Variants in MACF1 observed in about 807,000 individuals in gnomAD.
MACF1 encodes the protein microtubule actin crosslinking factor 1.
In MACF1, 193 loss-of-function variants were observed where a neutral mutation model predicts 854.8. That is an observed-to-expected ratio of 0.23 (90% CI 0.20 to 0.25). MACF1 has a LOEUF of 0.25. Among genes scored for constraint, MACF1 ranks in the 10% least tolerant of loss-of-function variants. MACF1 has a pLI of 1.00. For synonymous variants in MACF1, 3,185 were observed against 3,226.7 expected, an observed-to-expected ratio of 0.99 and a Z score of 0.44; for missense variants, 7,722 against 8,929.1, an observed-to-expected ratio of 0.86 and a Z score of 5.45.
chr1:39,284,002 CT>C, intron 9 of MACF1, 63 bp from the exon 10 acceptor site: 2 of 1,587,306 alleles, frequency 1.3e-6, no homozygotes, highest in South Asian at 2.3e-5. Flanking sequence ...GCCTGAGCTA[CT>C]TTCTCTTGTG....
In MACF1 at chr1:39,105,310, C is replaced by A; in HGVS notation, c.220+20872C>A. 1.3e-6 allele frequency: 1 copy of A among 744,142 alleles called. No homozygotes were observed. The highest frequency in any genetic ancestry group is 1.6e-6 in the Non-Finnish European group (1 of 610,112). 46.1% of individuals were successfully genotyped at this position (744,142 alleles called of 1,614,324 possible). ...GGGGAACGGGCCGGGCCTGGCGCTC[C>A]TGACAGGAGGAGCCGCCGCCGCCGC... On this transcript the variant is annotated intron_variant, in intron 2 of 93. Transcript: ENST00000361689. This position sits in a 1 kb window ranked among gnomAD's most constrained non-coding sequence, Gnocchi z 5.9.
At chr1:39,230,461 T>C (rs1644764950) in intron 1 of MACF1, among the ~76,000 whole-genome samples, 2 of 152,034 alleles carry the variant, frequency 1.3e-5, no homozygotes, top group Admixed American at 6.6e-5. Flanking sequence ...GACTGATGGC[T>C]CACTGGTCTA....
chr1:39,244,947 A>G (rs1317997604), intron 2 of MACF1, among the ~76,000 whole-genome samples: 2 of 152,086 alleles, frequency 1.3e-5, no homozygotes, highest in East Asian at 3.9e-4. Context: ...TCCTGATCTC[A>G]GGTGATCTGC....
At chr1:39,128,384 T>C (rs1052991347) in intron 2 of MACF1, among the ~76,000 whole-genome samples, 3 of 152,078 alleles carry the variant, frequency 2.0e-5, no homozygotes, top group African/African-American at 7.2e-5. Flanking sequence ...TGCCTTACTT[T>C]TGAGTCTCCC....
At chr1:39,263,414 T>C (rs1398833912) in intron 6 of MACF1, among the ~76,000 whole-genome samples, 1 of 152,234 alleles carries the variant, frequency 6.6e-6, no homozygotes, top group African/African-American at 2.4e-5. Flanking sequence ...TAATTTTAAT[T>C]TGAGTTTTTA....
chr1:39,143,249 C>CGAA (rs1557479678), intron 2 of MACF1, among the ~76,000 whole-genome samples: 1 of 152,096 alleles, frequency 6.6e-6, no homozygotes, highest in African/African-American at 2.4e-5. Flanking sequence ...GTGGGCTATA[C>CGAA]GAAAAGATTT....
At chr1:39,152,061 A>G (rs938243336) in intron 2 of MACF1, among the ~76,000 whole-genome samples, 3 of 151,970 alleles carry the variant, frequency 2.0e-5, no homozygotes, top group African/African-American at 7.2e-5. Context: ...TGCAACCTCC[A>G]CCTCCCAGGT....
upstream of MACF1, among the ~76,000 whole-genome samples, chr1:39,200,441 G>A (rs1644375112): frequency 6.6e-6 from 1 of 152,120 alleles, no homozygotes; most frequent in African/African-American, 2.4e-5. Flanking sequence ...GCTCACACCT[G>A]TAATCCCAGC....
chr1:39,242,243 G>A (rs1644932784), intron 2 of MACF1, among the ~76,000 whole-genome samples: 1 of 151,904 alleles, frequency 6.6e-6, no homozygotes, highest in Non-Finnish European at 1.5e-5. Context: ...CCAGCTACTC[G>A]GGAGGCTGAG....
At chr1:39,411,601 T>A in intron 58 of MACF1, 1 of 1,613,922 alleles carries the variant, frequency 6.2e-7, no homozygotes, top group South Asian at 1.1e-5. Context: ...TGTTTCAGAT[T>A]CAGCATGTAC....
At chr1:39,268,221 C>T (rs1003762032) in intron 6 of MACF1, among the ~76,000 whole-genome samples, 4 of 152,160 alleles carry the variant, frequency 2.6e-5, no homozygotes, top group African/African-American at 9.7e-5. Context: ...CTCCTCCTTC[C>T]TCCACGTTAC....
chr1:39,147,971 T>A (rs1643502944), intron 2 of MACF1, among the ~76,000 whole-genome samples: 1 of 152,188 alleles, frequency 6.6e-6, no homozygotes, highest in Non-Finnish European at 1.5e-5. Flanking sequence ...ATGCCTTGAA[T>A]GATCTTTTTA....
At chr1:39,321,854 C>CT (rs1296864252) in intron 31 of MACF1, among the ~76,000 whole-genome samples, 3 of 152,100 alleles carry the variant, frequency 2.0e-5, no homozygotes, top group Non-Finnish European at 2.9e-5. Context: ...TCATTGAAAG[C>CT]TTTTTAAGGA....
At chr1:39,294,882 G>T (rs996494021) in intron 18 of MACF1, among the ~76,000 whole-genome samples, 164 bp from the exon 19 acceptor site, 20 of 152,108 alleles carry the variant, frequency 1.3e-4, no homozygotes, top group African/African-American at 4.8e-4. Flanking sequence ...TCCAGTGTTT[G>T]TGCCCTTCTC....
intron 2 of MACF1, among the ~76,000 whole-genome samples, chr1:39,142,946 C>G (rs1279654661): frequency 3.3e-5 from 5 of 152,184 alleles, no homozygotes. Flanking sequence ...CCAGCTTGTT[C>G]CACAAGGCGC....
In MACF1 at chr1:39,468,659, C is replaced by T. The variant is rs1227669971; in HGVS notation, c.21816C>T (p.Ser7272=). Residue 7272 remains serine, a synonymous_variant, in exon 96 of 101, where the codon AGC becomes AGT. Coordinates refer to ENST00000564288, the MANE Select transcript of MACF1 (RefSeq NM_001394062.1). ...TGCGGCTGGTCCGTATTCTGCGCAG[C>T]ACCGTGATGGTTCGCGTTGGTGGAG... ...QQLRLVRILR[S]TVMVRVGGGW... 4 of 1,614,032 alleles carry T rather than the reference C, an allele frequency of 2.5e-6. No individual in the cohort carries two copies. The African/African-American group carries it at 4.0e-5, about 16-fold the overall frequency.
chr1:39,313,802 A>C (rs1048459718), intron 26 of MACF1, among the ~76,000 whole-genome samples: 2 of 151,754 alleles, frequency 1.3e-5, no homozygotes, highest in Admixed American at 1.3e-4. Context: ...TTAAATAGAG[A>C]TGAGGTCTCA....
At chr1:39,412,607 A>G (rs1461338950) in intron 58 of MACF1, 2 of 1,613,916 alleles carry the variant, frequency 1.2e-6, no homozygotes, top group Non-Finnish European at 1.7e-6. Context: ...GAAACTGTGA[A>G]TGATACAAAG....
At position 39,097,261 on chromosome 1, in the gene MACF1, C is replaced by T. The variant is rs552382099; in HGVS notation, c.220+12823C>T. On this transcript the variant is annotated intron_variant, in intron 2 of 93. Transcript: ENST00000361689. ...AGCGTTGCTTGGCTGATCCTCTGGT[C>T]CTTCCAGCTTGAGGTTCAGGCTCTA... Among the ~76,000 whole-genome samples the T allele has an allele frequency of 2.0e-5, 3 of 152,210 alleles. No homozygotes were observed. The South Asian group carries it at 6.2e-4, about 32-fold the overall frequency.
Sources: gnomAD v4.1 joint callset for allele counts (sites outside exome capture counted in the v4.1 genomes callset) on GRCh38, gnomAD v4.1.1 for gene constraint, Gnocchi (gnomAD v3.1) non-coding constraint, MANE v1.5 for transcripts, NCBI Gene and HGNC (gene_info 2026-07-23, HGNC 2026-07-21) for gene names.